PRDM16: variants seen among roughly 807,000 people sequenced by gnomAD.
PRDM16 encodes PR/SET domain 16, also known as histone-lysine N-methyltransferase PRDM16.
Under a neutral mutation model 110.6 loss-of-function variants are expected in PRDM16, and 23 were observed. That is an observed-to-expected ratio of 0.21 (90% confidence interval 0.15 to 0.29). The LOEUF is 0.29. PRDM16 is among the 10% of genes least tolerant of loss of function. The probability of loss-of-function intolerance (pLI) is 1.00; values close to 1 mark genes in which losing one functional copy is unlikely to be tolerated. For synonymous variants in PRDM16, 799 were observed against 781.8 expected (o/e 1.02, Z -0.37); for missense variants, 1,615 against 1,794.3 (o/e 0.90, Z 1.81).
At chr1:3,179,043 CG>C (rs1396952228) in intron 1 of PRDM16, among the ~76,000 whole-genome samples, 2 of 152,258 alleles carry the variant, frequency 1.3e-5, no homozygotes, top group African/African-American at 4.8e-5. Context: ...GCACCTTTCA[CG>C]GGCCTTGAGG....
At chr1:3,267,554 C>G (rs1640323346) in intron 3 of PRDM16, among the ~76,000 whole-genome samples, 1 of 152,230 alleles carries the variant, frequency 6.6e-6, no homozygotes, top group Admixed American at 6.5e-5. Context: ...CTATGTCTCA[C>G]TTTTTGGGGA....
Position 3,437,412 on chromosome 1 carries a change from C to A in PRDM16, c.*3601C>A, listed in dbSNP as rs913378003. 18 of 231,784 alleles carry A rather than the reference C, an allele frequency of 7.8e-5. No homozygotes were observed. Among genetic ancestry groups the A allele is most frequent in the African/African-American group, 3.8e-4 (17 of 45,196 alleles). The allele number at this position is 231,784 out of a possible 1,614,324, so 14.4% of individuals were successfully genotyped here. A position where few individuals can be genotyped will look rare whatever the true frequency, so the allele number is the denominator to read the frequency against. On this transcript the variant is annotated 3_prime_UTR_variant, in exon 17 of 17. Transcript: ENST00000270722. ...AGCACTGGATTGTGGTCCCCTGCCC[C>A]CTCTGTCCCGTCCCCCTGCCCAAGT...
intron 1 of PRDM16, among the ~76,000 whole-genome samples, chr1:3,129,124 G>A (rs1392848381): frequency 2.0e-5 from 3 of 151,708 alleles, no homozygotes; most frequent in Admixed American, 1.3e-4. Flanking sequence ...GAGTGTGCAC[G>A]TGCGTGTGTG....
Position 3,243,863 on chromosome 1 carries a change from A to C in PRDM16, c.388-224A>C, listed in dbSNP as rs1347958644. On this transcript the variant is annotated intron_variant, in intron 2 of 16. Coordinates refer to ENST00000270722, the MANE Select transcript of PRDM16 (RefSeq NM_022114.4). The surrounding 1 kb of genome is among the most constrained non-coding windows in gnomAD (Gnocchi z 5.5). ...GGAGTGCAGTGTTTCCAGGGAGGTG[A>C]AGTCCCTGGGGGGCGCTTGGAGTCC... Among the ~76,000 whole-genome samples, 1 of 152,042 alleles carries C rather than the reference A, an allele frequency of 6.6e-6. No individual in the cohort carries two copies. Among genetic ancestry groups the C allele is most frequent in the Admixed American group, 6.5e-5 (1 of 15,274 alleles).
At chr1:3,345,766 C>T (rs1642349891) in intron 3 of PRDM16, among the ~76,000 whole-genome samples, 1 of 75,078 alleles carries the variant, frequency 1.3e-5, no homozygotes, top group African/African-American at 6.0e-5. Flanking sequence ...CCCTCGGGTC[C>T]TCCCGTGCTG....
chr1:3,277,222 C>G (rs1044855202), intron 3 of PRDM16, among the ~76,000 whole-genome samples: 11 of 152,170 alleles, frequency 7.2e-5, no homozygotes, highest in African/African-American at 2.7e-4. Context: ...GTGGACGTGG[C>G]CGGCCCCATG....
intron 3 of PRDM16, among the ~76,000 whole-genome samples, chr1:3,248,915 A>G (rs1336179208): frequency 1.3e-5 from 2 of 152,156 alleles, no homozygotes; most frequent in Non-Finnish European, 2.9e-5. Flanking sequence ...ACTGGGGGCT[A>G]ATGAAGGATG....
At chr1:3,215,427 T>TCCTGGGGACAGGCAAGGCCCAC (rs1557534859) in intron 2 of PRDM16, among the ~76,000 whole-genome samples, 1,624 of 79,688 alleles carry the variant, frequency 0.02, 54 homozygotes, top group African/African-American at 0.19. Flanking sequence ...CAAGGCCTAT[T>TCCTGGGGACAGGCAAGGCCCAC]GGGGTCCAGG....
intron 1 of PRDM16, among the ~76,000 whole-genome samples, chr1:3,094,481 G>A (rs1256044649): frequency 2.6e-5 from 4 of 152,356 alleles, no homozygotes; most frequent in Admixed American, 1.3e-4. Context: ...ATCAGGATCC[G>A]GTCATTCAGA....
intron 1 of PRDM16, among the ~76,000 whole-genome samples, chr1:3,085,611 TA>T (rs1642130424): frequency 6.6e-6 from 1 of 152,164 alleles, no homozygotes; most frequent in South Asian, 2.1e-4. Context: ...CTGAGTGGGG[TA>T]ATCCATCCTC....
intron 3 of PRDM16, among the ~76,000 whole-genome samples, chr1:3,340,202 C>T (rs1296497597): frequency 6.6e-6 from 1 of 152,036 alleles, no homozygotes; most frequent in Non-Finnish European, 1.5e-5. Flanking sequence ...CTGTGGTAGC[C>T]GAGTCCTTAC....
chr1:3,304,568 G>A (rs1431497422), intron 3 of PRDM16, among the ~76,000 whole-genome samples: 2 of 152,098 alleles, frequency 1.3e-5, no homozygotes, highest in East Asian at 1.9e-4. Flanking sequence ...TTGGTGTCAC[G>A]GAGCCACTGG....
chr1:3,091,746 T>TA, intron 1 of PRDM16, among the ~76,000 whole-genome samples: 1 of 152,108 alleles, frequency 6.6e-6, no homozygotes, highest in Admixed American at 6.5e-5. Context: ...CCTCCATAGA[T>TA]ATATGGGTCG....
chr1:3,139,798 C>G (rs1643511437), intron 1 of PRDM16, among the ~76,000 whole-genome samples: 1 of 152,218 alleles, frequency 6.6e-6, no homozygotes, highest in Non-Finnish European at 1.5e-5. Flanking sequence ...GGAAGGAGCT[C>G]CAGGCTGAGA....
rs568185428 is a variant in PRDM16 at position 3,293,319 on chromosome 1, G to A, written c.438+49182G>A. Among the ~76,000 whole-genome samples the A allele has an allele frequency of 2.6e-3, 389 of 152,346 alleles. 1 individual carries two copies. Among genetic ancestry groups the A allele is most frequent in the Middle Eastern group, 6.8e-3 (2 of 294 alleles). On this transcript the variant is annotated intron_variant, in intron 3 of 16. Transcript: ENST00000270722. ...GCAGCGAGACCCTGTCCAGGTCAGCGGGACCAGCACCGCATCCCAGGCCAC... is the reference window on the plus strand; with the variant it reads ...GCAGCGAGACCCTGTCCAGGTCAGCAGGACCAGCACCGCATCCCAGGCCAC...
At chr1:3,300,313 T>G (rs1347262114) in intron 3 of PRDM16, among the ~76,000 whole-genome samples, 2 of 107,516 alleles carry the variant, frequency 1.9e-5, no homozygotes, top group Admixed American at 1.1e-4. Flanking sequence ...ACTCTGCCCT[T>G]GTTGAAGATG....
chr1:3,225,725 G>A (rs932559561), intron 2 of PRDM16, among the ~76,000 whole-genome samples: 6 of 152,244 alleles, frequency 3.9e-5, no homozygotes, highest in East Asian at 1.9e-4. Context: ...CTCTAAAACC[G>A]GCACTGGAAT....
chr1:3,336,398 A>G (rs1389578807), intron 3 of PRDM16, among the ~76,000 whole-genome samples: 1 of 152,042 alleles, frequency 6.6e-6, no homozygotes, highest in East Asian at 1.9e-4. Flanking sequence ...AAATGCATGC[A>G]CATGTGTGTT....
In PRDM16 at chr1:3,244,870, A is replaced by G. The variant is rs1321844072; in HGVS notation, c.438+733A>G. ...AGCCAGAACTCCTCTTCGACGGGAT[A>G]TGCATTGCCTGCACGCACACACAGA... On this transcript the variant is annotated intron_variant, in intron 3 of 16. Transcript: ENST00000270722. This position sits in a 1 kb window ranked among gnomAD's most constrained non-coding sequence, Gnocchi z 4.1. 6.6e-6 allele frequency among the ~76,000 whole-genome samples: 1 copy of G among 152,220 alleles called. No individual in the cohort carries two copies. Among genetic ancestry groups the G allele is most frequent in the Non-Finnish European group, 1.5e-5 (1 of 68,046 alleles).
Sources: allele counts gnomAD v4.1 joint callset (sites outside exome capture counted in the v4.1 genomes callset), GRCh38; gene constraint gnomAD v4.1.1; non-coding constraint Gnocchi (gnomAD v3.1); transcripts MANE v1.5; gene names NCBI Gene and HGNC (gene_info 2026-07-23, HGNC 2026-07-21).